ME3: variants seen among roughly 807,000 people sequenced by gnomAD.
The protein encoded by ME3 is malic enzyme 3, also known as NADP-dependent malic enzyme, mitochondrial.
In ME3, 48 loss-of-function variants were observed where a neutral mutation model predicts 68.9. That is an observed-to-expected ratio of 0.70 (90% CI 0.55 to 0.89). The LOEUF (loss-of-function observed/expected upper bound fraction) is 0.89, where lower values mean the gene tolerates loss of function less well. Among genes scored for constraint, ME3 ranks in the 40% least tolerant of loss-of-function variants. The pLI, the probability that ME3 is intolerant of heterozygous loss-of-function variation, is 0.00. For missense variants in ME3, 675 were observed against 797.4 expected (o/e 0.85, Z 1.85); for synonymous variants, 320 against 318.8 (o/e 1.00, Z -0.04).
At chr11:86,638,007 T>C (rs972515573) in intron 2 of ME3, among the ~76,000 whole-genome samples, 270 of 92,656 alleles carry the variant, frequency 2.9e-3, no homozygotes, top group Middle Eastern at 5.6e-3. Context: ...CACACACACA[T>C]AAGGAAGCAG....
chr11:86,466,880 A>C (rs966554899), intron 7 of ME3, among the ~76,000 whole-genome samples: 7 of 152,094 alleles, frequency 4.6e-5, no homozygotes, highest in African/African-American at 1.7e-4. Context: ...CTCCACATTC[A>C]ACTGAGTTAC....
At chr11:86,521,426 AAC>A (rs531991020) in intron 4 of ME3, among the ~76,000 whole-genome samples, 31 of 115,264 alleles carry the variant, frequency 2.7e-4, no homozygotes, top group Non-Finnish European at 3.3e-4. Context: ...AACAAAACAA[AAC>A]AAAAATAATA....
intron 2 of ME3, among the ~76,000 whole-genome samples, chr11:86,618,171 G>A (rs779014992): frequency 2.4e-4 from 36 of 151,566 alleles, no homozygotes; most frequent in African/African-American, 7.5e-4. Flanking sequence ...ATGGTGGCAC[G>A]CACCTATAAC....
chr11:86,521,074 G>A (rs1419352744), intron 4 of ME3, among the ~76,000 whole-genome samples: 1 of 152,100 alleles, frequency 6.6e-6, no homozygotes, highest in Non-Finnish European at 1.5e-5. Flanking sequence ...TAACTCCACC[G>A]AATCTCCATT....
chr11:86,543,004 A>G (rs1160229954), intron 4 of ME3, among the ~76,000 whole-genome samples: 6 of 152,232 alleles, frequency 3.9e-5, no homozygotes, highest in Admixed American at 3.9e-4. Flanking sequence ...AATATTCAAC[A>G]TTCTTAAAGA....
intron 2 of ME3, among the ~76,000 whole-genome samples, chr11:86,602,509 C>A (rs1366983358): frequency 1.3e-5 from 2 of 151,934 alleles, no homozygotes; most frequent in Admixed American, 6.6e-5. Context: ...GAATCAATAT[C>A]GTGAAAATGG....
At chr11:86,537,198 A>C (rs1185697037) in intron 4 of ME3, among the ~76,000 whole-genome samples, 1 of 151,316 alleles carries the variant, frequency 6.6e-6, no homozygotes, top group South Asian at 2.1e-4. Flanking sequence ...ATGACGAGTT[A>C]GTGGGTGCAG....
At chr11:86,521,396 AAAAC>A (rs1255637085) in intron 4 of ME3, among the ~76,000 whole-genome samples, 7 of 131,840 alleles carry the variant, frequency 5.3e-5, no homozygotes, top group African/African-American at 1.6e-4. Context: ...CTCCATCTCA[AAAAC>A]AAACAAACAA....
At chr11:86,436,750 A>G (rs966654500), downstream of ME3, 1 of 152,008 alleles carries the variant, frequency 6.6e-6, no homozygotes. Context: ...TTGCATGTGG[A>G]TATTCAATTG....
chr11:86,658,330 C>G (rs1946052768), intron 2 of ME3, among the ~76,000 whole-genome samples: 1 of 151,866 alleles, frequency 6.6e-6, no homozygotes, highest in African/African-American at 2.4e-5. Flanking sequence ...ATCATGTTGT[C>G]CAGCCTGGTC....
intron 8 of ME3, among the ~76,000 whole-genome samples, chr11:86,456,680 T>C (rs932977202): frequency 6.6e-6 from 1 of 152,068 alleles, no homozygotes; most frequent in African/African-American, 2.4e-5. Flanking sequence ...GAAGTGAACT[T>C]AGGCAGTAGA....
chr11:86,597,916 T>A (rs1213802891), intron 2 of ME3, among the ~76,000 whole-genome samples: 2 of 152,028 alleles, frequency 1.3e-5, no homozygotes, highest in Non-Finnish European at 2.9e-5. Context: ...ATAGGCAGAT[T>A]TAAAATGTTT....
chr11:86,477,234 G>C (rs973375951), intron 7 of ME3, among the ~76,000 whole-genome samples: 2 of 152,198 alleles, frequency 1.3e-5, no homozygotes, highest in African/African-American at 4.8e-5. Context: ...AACTCAGGCA[G>C]TCTAGCTCTA....
At chr11:86,528,556 CT>C (rs1428406227) in intron 4 of ME3, among the ~76,000 whole-genome samples, 2 of 152,148 alleles carry the variant, frequency 1.3e-5, no homozygotes, top group Admixed American at 1.3e-4. Context: ...AATATACATT[CT>C]TTTCAGCACC....
rs772233951 is a variant in ME3, at chr11:86,441,263, A to G, written c.*16T>C. ...TCTGGGCTTCATCTAGCCCCATACT[A>G]GCCTCTGAGACTGCCTCAGACCGTC... On this transcript the variant is annotated 3_prime_UTR_variant, in exon 15 of 15. Transcript: ENST00000543262. The G allele has an allele frequency of 7.7e-6, 12 of 1,563,078 alleles. No homozygotes were observed. The African/African-American group carries it at 1.2e-4, about 16-fold the overall frequency.
chr11:86,447,112 T>G, exon 12 of ME3: 1 of 1,614,068 alleles, frequency 6.2e-7, no homozygotes. Flanking sequence ...GCCTTGCTGG[T>G]GGGGTTGCTC....
At chr11:86,584,490 A>G (rs1958622545) in intron 2 of ME3, among the ~76,000 whole-genome samples, 1 of 152,258 alleles carries the variant, frequency 6.6e-6, no homozygotes, top group South Asian at 2.1e-4. Flanking sequence ...AATTAAAATC[A>G]AAATCTCAAA....
intron 4 of ME3, among the ~76,000 whole-genome samples, chr11:86,527,692 G>A (rs1954870444): frequency 6.6e-6 from 1 of 152,094 alleles, no homozygotes; most frequent in African/African-American, 2.4e-5. Flanking sequence ...AGAGAGTGGG[G>A]GCCAATATTC....
intron 2 of ME3, among the ~76,000 whole-genome samples, chr11:86,653,641 C>A (rs1174917814): frequency 6.6e-6 from 1 of 152,136 alleles, no homozygotes; most frequent in Non-Finnish European, 1.5e-5. Context: ...CAAGAGAAAG[C>A]AAGAAAGATC....
Sources: gnomAD v4.1 joint callset for allele counts (sites outside exome capture counted in the v4.1 genomes callset) on GRCh38, gnomAD v4.1.1 for gene constraint, MANE v1.5 for transcripts, NCBI Gene and HGNC (gene_info 2026-07-23, HGNC 2026-07-21) for gene names.